Variants in ZMYND8 observed in about 807,000 individuals in gnomAD.
ZMYND8 encodes the protein MYND-type zinc finger-containing chromatin reader ZMYND8.
In ZMYND8, 37 loss-of-function variants were observed where a neutral mutation model predicts 140.8. That is an observed-to-expected ratio of 0.26 (90% CI 0.20 to 0.35). The LOEUF is 0.35. Among genes scored for constraint, ZMYND8 ranks in the 10% least tolerant of loss-of-function variants. The pLI is 1.00. For missense variants in ZMYND8, 1,068 were observed against 1,570.0 expected (o/e 0.68, Z 5.40); for synonymous variants, 592 against 597.1 (o/e 0.99, Z 0.12).
Position 47,210,906 on chromosome 20 carries a change from G to A in ZMYND8, c.3569-9C>T. The A allele has an allele frequency of 6.2e-7, 1 of 1,612,878 alleles. No individual in the cohort carries two copies. Among genetic ancestry groups the A allele is most frequent in the Non-Finnish European group, 8.5e-7 (1 of 1,178,964 alleles). ...ATTACTCCGGGAATGGTCTGAGGGG[G>A]AAAACCAATGTGTTTAGCGTGCCTG... On this transcript the variant is annotated splice_polypyrimidine_tract_variant and intron_variant, in intron 22 of 22. Transcript: ENST00000471951.
At chr20:47,238,320 A>C in intron 15 of ZMYND8, 1 of 172,674 alleles carries the variant, frequency 5.8e-6, no homozygotes, top group Non-Finnish European at 1.2e-5. Context: ...AAAGGGGGGA[A>C]AAAGGACTAA....
chr20:47,225,558 G>A (rs1298324239), intron 18 of ZMYND8, among the ~76,000 whole-genome samples: 7 of 69,960 alleles, frequency 1.0e-4, no homozygotes, highest in Admixed American at 8.4e-4. Context: ...CATTGACAAG[G>A]GAGGGGAAGG....
chr20:47,236,882 C>T (rs2039305631), intron 15 of ZMYND8, among the ~76,000 whole-genome samples: 1 of 152,128 alleles, frequency 6.6e-6, no homozygotes, highest in Non-Finnish European at 1.5e-5. Context: ...GAGTAGGGGC[C>T]CAACTTCATG....
chr20:47,213,669 G>C (rs1408719416), intron 21 of ZMYND8, among the ~76,000 whole-genome samples: 1 of 152,214 alleles, frequency 6.6e-6, no homozygotes, highest in Non-Finnish European at 1.5e-5. Context: ...GGGGTCAAGA[G>C]ATACTGTCTG....
chr20:47,324,345 C>T (rs1332082485), intron 2 of ZMYND8, among the ~76,000 whole-genome samples: 1 of 151,738 alleles, frequency 6.6e-6, no homozygotes, highest in African/African-American at 2.4e-5. Flanking sequence ...GGTAAAACCC[C>T]ATCTCTACTA....
intron 1 of ZMYND8, among the ~76,000 whole-genome samples, chr20:47,355,140 C>T (rs1049745937): frequency 1.3e-5 from 2 of 152,174 alleles, no homozygotes; most frequent in Non-Finnish European, 2.9e-5. Context: ...AGCACATCAC[C>T]TACTCACAGT....
intron 2 of ZMYND8, among the ~76,000 whole-genome samples, chr20:47,338,096 T>C (rs2081530263): frequency 6.6e-6 from 1 of 152,086 alleles, no homozygotes; most frequent in Admixed American, 6.6e-5. Context: ...GTTCATAAGA[T>C]GGTAGAGTGG....
chr20:47,213,327 C>T (rs936379502), intron 21 of ZMYND8, among the ~76,000 whole-genome samples: 1 of 152,166 alleles, frequency 6.6e-6, no homozygotes, highest in African/African-American at 2.4e-5. Context: ...CCGTAAACAG[C>T]TGATACCGTG....
At chr20:47,277,031 G>C (rs911894132) in intron 10 of ZMYND8, among the ~76,000 whole-genome samples, 1 of 151,740 alleles carries the variant, frequency 6.6e-6, no homozygotes, top group African/African-American at 2.4e-5. Flanking sequence ...AAGTGCAACA[G>C]ACTTAGTCAT....
At chr20:47,211,982 CCAAAAGGGAGCAA>C (rs1373874855) in intron 22 of ZMYND8, among the ~76,000 whole-genome samples, 4 of 152,124 alleles carry the variant, frequency 2.6e-5, no homozygotes, top group African/African-American at 7.2e-5. Context: ...GCATCAGTGA[CCAAAAGGGAGCAA>C]TACTATGGTA....
At chr20:47,255,694 T>C (rs150948668) in intron 12 of ZMYND8, among the ~76,000 whole-genome samples, 3,128 of 127,816 alleles carry the variant, frequency 0.024, 70 homozygotes, top group Middle Eastern at 0.043. Flanking sequence ...TGTGTGTATA[T>C]ATATATATAT....
intron 21 of ZMYND8, among the ~76,000 whole-genome samples, 198 bp downstream of exon 21, chr20:47,220,060 T>C (rs886293469): frequency 3.9e-5 from 6 of 152,124 alleles, no homozygotes; most frequent in African/African-American, 1.4e-4. Flanking sequence ...GTAATACCGA[T>C]CAGCTTGAAG....
chr20:47,289,829 T>G (rs2077146389), intron 7 of ZMYND8, among the ~76,000 whole-genome samples: 2 of 152,222 alleles, frequency 1.3e-5, no homozygotes, highest in Non-Finnish European at 2.9e-5. Context: ...AAATGGCATG[T>G]ATGAGAATCC....
chr20:47,316,062 G>A (rs980869938), intron 2 of ZMYND8, among the ~76,000 whole-genome samples: 2 of 152,214 alleles, frequency 1.3e-5, no homozygotes, highest in African/African-American at 4.8e-5. Flanking sequence ...GCCGGGCACG[G>A]TGGCTCACGC....
Position 47,276,033 on chromosome 20 carries a change from T to A in ZMYND8, c.1480+281A>T, listed in dbSNP as rs371111582. Among the ~76,000 whole-genome samples, 4 of 152,324 alleles carry A rather than the reference T, an allele frequency of 2.6e-5. No homozygotes were observed. In the South Asian group the frequency reaches 8.3e-4, roughly 32 times the overall value. Reference sequence around the variant, plus strand: ...TATTTGTGTTATGGAAAGTCAATAATCCAAAATGCAGCGACATCTGAACAG... The same window carrying A: ...TATTTGTGTTATGGAAAGTCAATAAACCAAAATGCAGCGACATCTGAACAG... On this transcript the variant is annotated intron_variant, in intron 11 of 22. Transcript: ENST00000471951.
intron 2 of ZMYND8, among the ~76,000 whole-genome samples, chr20:47,341,819 T>C (rs1205304273): frequency 6.6e-6 from 1 of 151,158 alleles, no homozygotes; most frequent in African/African-American, 2.4e-5. Context: ...CTGCCTAACA[T>C]GGGGAAACCC....
intron 1 of ZMYND8, chr20:47,356,281 G>T (rs374773229): frequency 1.7e-6 from 2 of 1,195,090 alleles, no homozygotes; most frequent in Non-Finnish European, 2.2e-6. Flanking sequence ...GGGGTGGGAG[G>T]GGGGGAACTG....
chr20:47,327,220 T>C (rs1341096004), intron 2 of ZMYND8, among the ~76,000 whole-genome samples: 1 of 151,998 alleles, frequency 6.6e-6, no homozygotes, highest in Admixed American at 6.5e-5. Flanking sequence ...TTCACCATGT[T>C]GGCCAGGCTG....
At position 47,294,701 on chromosome 20, in the gene ZMYND8, G is replaced by A; in HGVS notation, c.532C>T (p.Leu178Phe). 6.2e-7 allele frequency: 1 copy of A among 1,614,194 alleles called. No homozygotes were observed. ...TTCATTTTCTGAATGGCAAACTTGA[G>A]CAGGTAGGATAACTGTTCAATGGTG... is the stretch of plus-strand genomic sequence containing the variant. ...MLTIEQLSYLLKFAIQKMKQP... is the reference protein window; with the variant it reads ...MLTIEQLSYLFKFAIQKMKQP... Residue 178 changes from leucine to phenylalanine, a missense_variant, in exon 5 of 23, where the codon CTC becomes TTC. Leu to Phe is a conservative substitution (Grantham distance 22). Around this residue, in one of 10 missense-constraint regions of ZMYND8, gnomAD observed 109 missense variants for 314.9 expected, o/e 0.35. Coordinates refer to ENST00000471951, the MANE Select transcript of ZMYND8 (RefSeq NM_001281775.3).
Sources: allele counts gnomAD v4.1 joint callset (sites outside exome capture counted in the v4.1 genomes callset), GRCh38; gene constraint gnomAD v4.1.1; regional missense constraint gnomAD v4.1.1; transcripts MANE v1.5; gene names NCBI Gene and HGNC (gene_info 2026-07-23, HGNC 2026-07-21).